Variants in SLC44A1 observed in about 807,000 individuals in gnomAD.
SLC44A1 encodes the protein choline transporter-like protein 1.
SLC44A1 carries 26 observed loss-of-function variants against 79.3 expected under a neutral mutation model. The ratio of observed to expected loss-of-function variants is 0.33; its 90% CI spans 0.24 to 0.46. The LOEUF (loss-of-function observed/expected upper bound fraction) is 0.46, where lower values mean the gene tolerates loss of function less well. Among genes scored for constraint, SLC44A1 ranks in the 20% least tolerant of loss-of-function variants. The pLI, the probability that SLC44A1 is intolerant of heterozygous loss-of-function variation, is 1.00. For missense variants in SLC44A1, 688 were observed against 798.1 expected (o/e 0.86, Z 1.66); for synonymous variants, 263 against 286.2 (o/e 0.92, Z 0.82).
At chr9:105,269,578 T>C (rs2131227639) in intron 1 of SLC44A1, among the ~76,000 whole-genome samples, 1 of 152,352 alleles carries the variant, frequency 6.6e-6, no homozygotes, top group East Asian at 1.9e-4. Context: ...CTCTTTCTTG[T>C]GTAAGTGCCC....
intron 15 of SLC44A1, among the ~76,000 whole-genome samples, chr9:105,408,369 G>T (rs1829055133): frequency 6.6e-6 from 1 of 151,982 alleles, no homozygotes; most frequent in Non-Finnish European, 1.5e-5. Context: ...AAACATAAAA[G>T]CTAGTATTAT....
intron 1 of SLC44A1, among the ~76,000 whole-genome samples, chr9:105,277,214 G>T (rs111338595): frequency 2.0e-5 from 3 of 152,246 alleles, no homozygotes; most frequent in South Asian, 2.1e-4. Context: ...AGGGAAGGCT[G>T]TTGGTGGAGC....
At chr9:105,333,228 C>G (rs941407199) in intron 3 of SLC44A1, among the ~76,000 whole-genome samples, 1 of 151,420 alleles carries the variant, frequency 6.6e-6, no homozygotes, top group Non-Finnish European at 1.5e-5. Flanking sequence ...AGCAGCAAGG[C>G]CCTGGCAGCT....
chr9:105,334,703 G>C, intron 3 of SLC44A1, among the ~76,000 whole-genome samples: 1 of 152,134 alleles, frequency 6.6e-6, no homozygotes, highest in East Asian at 1.9e-4. Flanking sequence ...TTCTCTTTGA[G>C]CAAATGTTAG....
At chr9:105,434,920 G>A (rs1350468221) in intron 15 of SLC44A1, among the ~76,000 whole-genome samples, 4 of 152,286 alleles carry the variant, frequency 2.6e-5, no homozygotes, top group Non-Finnish European at 5.9e-5. Flanking sequence ...CAAGATAGGC[G>A]GATTGCTTGA....
chr9:105,371,923 A>G lies in SLC44A1; in HGVS notation c.1495-2675A>G, dbSNP rs1363619205. Reference sequence around the variant, plus strand: ...TCTTCATTGTTTTTCAGCAAGGTTAATGTTACACAAGATCAAAAGTGTAGT... The same window carrying G: ...TCTTCATTGTTTTTCAGCAAGGTTAGTGTTACACAAGATCAAAAGTGTAGT... On this transcript the variant is annotated intron_variant, in intron 12 of 15. Coordinates refer to ENST00000374720, the MANE Select transcript of SLC44A1 (RefSeq NM_080546.5). Among the ~76,000 whole-genome samples the G allele has an allele frequency of 2.0e-5, 3 of 152,282 alleles. No individual in the cohort carries two copies. The East Asian group carries it at 5.8e-4, about 29-fold the overall frequency.
chr9:105,414,083 G>C (rs1829135249), intron 15 of SLC44A1, among the ~76,000 whole-genome samples: 1 of 148,092 alleles, frequency 6.8e-6, no homozygotes, highest in African/African-American at 2.5e-5. Context: ...GTTTTTTTGA[G>C]ACAGAGTCTT....
intron 1 of SLC44A1, among the ~76,000 whole-genome samples, chr9:105,246,737 G>A (rs1003346221): frequency 1.3e-5 from 2 of 152,144 alleles, no homozygotes; most frequent in Admixed American, 6.5e-5. Context: ...AGACAGAAAA[G>A]TATTGATAGT....
chr9:105,362,975 G>A lies in SLC44A1; in HGVS notation c.1055G>A (p.Trp352Ter), dbSNP rs1374838106. 1 of 1,610,136 alleles carries A rather than the reference G, an allele frequency of 6.2e-7. No homozygotes were observed. Among genetic ancestry groups the A allele is most frequent in the Non-Finnish European group, 8.5e-7 (1 of 1,178,872 alleles). ...FFALVLFWVY[W>*]IMTLLFLGTT... The stretch of plus-strand genomic sequence containing the variant: ...GCTCTTGTCTTGTTTTGGGTGTACT[G>A]GATCATGACACTTCTTTTTCTTGGC... Residue 352 changes from tryptophan to a stop codon, truncating the protein, a stop_gained, in exon 9 of 16, where the codon TGG (tryptophan) becomes TAG (stop). Coordinates refer to ENST00000374720, the MANE Select transcript of SLC44A1 (RefSeq NM_080546.5). LOFTEE classifies it high-confidence loss of function.
At position 105,348,368 on chromosome 9, in the gene SLC44A1, A is replaced by G. The variant is rs878967123; in HGVS notation, c.417A>G (p.Leu139=). 1 of 1,600,278 alleles carries G rather than the reference A, an allele frequency of 6.2e-7. No individual in the cohort carries two copies. Among genetic ancestry groups the G allele is most frequent in the Non-Finnish European group, 8.6e-7 (1 of 1,168,290 alleles). The change falls in exon 5 of 16, where the codon CTA becomes CTG. Residue 139 remains leucine, a synonymous_variant. Transcript: ENST00000374720. ...QKFAEINGSA[L]CSYNLKPSEY... ...TTTTTCTTTCAACAGGTTCAGCCCT[A>G]TGTAGCTACAACCTAAAGCCTTCTG... is the stretch of plus-strand genomic sequence containing the variant.
chr9:105,285,660 G>A (rs1282736250), intron 1 of SLC44A1, among the ~76,000 whole-genome samples: 3 of 152,140 alleles, frequency 2.0e-5, no homozygotes, highest in Non-Finnish European at 4.4e-5. Context: ...GGCAGTGGGT[G>A]GATCTCACAA....
intron 1 of SLC44A1, among the ~76,000 whole-genome samples, chr9:105,298,849 C>T (rs1830799656): frequency 1.3e-5 from 2 of 152,110 alleles, no homozygotes; most frequent in African/African-American, 4.8e-5. Context: ...AACCCTCAGG[C>T]ATCATGTTAG....
chr9:105,386,502 C>T (rs1026750130), intron 15 of SLC44A1: 25 of 876,064 alleles, frequency 2.9e-5, no homozygotes, highest in Non-Finnish European at 3.3e-5. Flanking sequence ...GTCCAACTTG[C>T]TGCCTGTGGG....
chr9:105,355,588 A>G (rs1327382628), intron 5 of SLC44A1, among the ~76,000 whole-genome samples: 4 of 152,268 alleles, frequency 2.6e-5, no homozygotes, highest in African/African-American at 9.6e-5. Context: ...GCATTTCCAT[A>G]TATTAGTACT....
intron 4 of SLC44A1, among the ~76,000 whole-genome samples, chr9:105,347,767 A>G (rs1827285013): frequency 6.6e-6 from 1 of 152,060 alleles, no homozygotes; most frequent in Admixed American, 6.6e-5. Context: ...CAATTTTTTC[A>G]GTTTATTTAC....
chr9:105,276,047 C>G (rs1255069617), intron 1 of SLC44A1, among the ~76,000 whole-genome samples: 2 of 152,168 alleles, frequency 1.3e-5, no homozygotes, highest in Non-Finnish European at 2.9e-5. Flanking sequence ...CTCAGGTGAT[C>G]CGCCCACCTC....
Position 105,306,369 on chromosome 9 carries a change from T to C in SLC44A1, c.127-3355T>C, listed in dbSNP as rs140278387. Among the ~76,000 whole-genome samples the C allele has an allele frequency of 8.7e-4, 132 of 152,310 alleles. No individual in the cohort carries two copies. The Middle Eastern group carries it at 0.02, about 24-fold the overall frequency. Reference sequence around the variant, plus strand: ...CCCCACTTTAATTTCATGTGCCACATTTTTTCCTTTCTGAAACTATATTGC... The same window carrying C: ...CCCCACTTTAATTTCATGTGCCACACTTTTTCCTTTCTGAAACTATATTGC... On this transcript the variant is annotated intron_variant, in intron 2 of 15. Coordinates refer to ENST00000374720, the MANE Select transcript of SLC44A1 (RefSeq NM_080546.5).
chr9:105,432,701 C>T (rs572145161), intron 15 of SLC44A1, among the ~76,000 whole-genome samples: 22 of 152,330 alleles, frequency 1.4e-4, no homozygotes, highest in African/African-American at 5.0e-4. Context: ...GCACAAGAAA[C>T]ATAACCCTGA....
At chr9:105,278,995 A>C (rs1171823711) in intron 1 of SLC44A1, among the ~76,000 whole-genome samples, 1 of 152,112 alleles carries the variant, frequency 6.6e-6, no homozygotes, top group African/African-American at 2.4e-5. Flanking sequence ...TTGTCAAAGA[A>C]ACTGCAGCAG....
Sources: gnomAD v4.1 joint callset for allele counts (sites outside exome capture counted in the v4.1 genomes callset) on GRCh38, gnomAD v4.1.1 for gene constraint, MANE v1.5 for transcripts, NCBI Gene and HGNC (gene_info 2026-07-23, HGNC 2026-07-21) for gene names.